ATP6V1A: variants seen among roughly 807,000 people sequenced by gnomAD.
ATP6V1A encodes the protein ATPase H+ transporting V1 subunit A, also known as V-type proton ATPase catalytic subunit A.
In ATP6V1A, 18 loss-of-function variants were observed where a neutral mutation model predicts 70.1. The observed-to-expected ratio is 0.26, with a 90% confidence interval of 0.18 to 0.38. The LOEUF (loss-of-function observed/expected upper bound fraction) is 0.38. ATP6V1A is among the 10% of genes least tolerant of loss of function. The probability of loss-of-function intolerance (pLI) is 1.00; values close to 1 mark genes in which losing one functional copy is unlikely to be tolerated. For missense variants in ATP6V1A, 424 were observed against 772.4 expected (o/e 0.55, Z 5.35); for synonymous variants, 232 against 253.8 (o/e 0.91, Z 0.82).
intron 5 of ATP6V1A, among the ~76,000 whole-genome samples, chr3:113,785,865 T>TTTC (rs1709033872): frequency 8.2e-6 from 1 of 121,916 alleles, no homozygotes; most frequent in South Asian, 2.7e-4. Flanking sequence ...TCTTTCTTTC[T>TTTC]TTTTTTTTTT....
chr3:113,789,719 A>G lies in ATP6V1A; in HGVS notation c.880-13A>G, dbSNP rs763313698. 14 of 1,570,934 alleles carry G rather than the reference A, an allele frequency of 8.9e-6. No homozygotes were observed. The highest frequency in any genetic ancestry group is 7.9e-6 in the Non-Finnish European group (9 of 1,141,876). On this transcript the variant is annotated splice_polypyrimidine_tract_variant and intron_variant, in intron 7 of 14. Coordinates refer to ENST00000273398, the MANE Select transcript of ATP6V1A (RefSeq NM_001690.4). Reference sequence around the variant, plus strand: ...AGAAATTGGAGATTCACTAATATATATTTTACCTCTAGCTCACAATGGAGG... The same window carrying G: ...AGAAATTGGAGATTCACTAATATATGTTTTACCTCTAGCTCACAATGGAGG...
chr3:113,782,608 A>G (rs1377372443), intron 3 of ATP6V1A, among the ~76,000 whole-genome samples: 1 of 146,316 alleles, frequency 6.8e-6, no homozygotes, highest in Non-Finnish European at 1.5e-5. Flanking sequence ...ATATACATAT[A>G]TATATGGTTT....
intron 8 of ATP6V1A, among the ~76,000 whole-genome samples, chr3:113,791,355 G>T: frequency 6.8e-6 from 1 of 145,988 alleles, no homozygotes; most frequent in African/African-American, 2.5e-5. Flanking sequence ...TACTCCATAT[G>T]CCTTGAGATT....
intron 1 of ATP6V1A, among the ~76,000 whole-genome samples, chr3:113,755,686 T>TA (rs1316226176): frequency 6.6e-6 from 1 of 152,208 alleles, no homozygotes; most frequent in Non-Finnish European, 1.5e-5. Flanking sequence ...GCTCAGTTGT[T>TA]TTAACATTCA....
intron 12 of ATP6V1A, among the ~76,000 whole-genome samples, chr3:113,800,231 C>CAA (rs74642409): frequency 0.013 from 1,086 of 82,700 alleles, 12 homozygotes; most frequent in African/African-American, 0.041. Context: ...GACTCCATCT[C>CAA]AAAAAAAAAA....
At chr3:113,761,092 C>A (rs1391185958) in intron 1 of ATP6V1A, among the ~76,000 whole-genome samples, 2 of 147,932 alleles carry the variant, frequency 1.4e-5, no homozygotes, top group African/African-American at 2.5e-5. Context: ...GACATATTTT[C>A]TTTTCTTTTC....
intron 2 of ATP6V1A, 140 bp from the exon 3 acceptor site, chr3:113,780,910 G>GT: frequency 1.4e-5 from 19 of 1,322,426 alleles, no homozygotes; most frequent in Non-Finnish European, 1.9e-5. Context: ...CTACCAGTAT[G>GT]TTCCATAGTA....
intron 1 of ATP6V1A, among the ~76,000 whole-genome samples, chr3:113,762,532 C>CA (rs1209061579): frequency 6.6e-6 from 1 of 151,796 alleles, no homozygotes; most frequent in African/African-American, 2.4e-5. Flanking sequence ...TGCGCCATTG[C>CA]AGTCGATCCT....
intron 8 of ATP6V1A, among the ~76,000 whole-genome samples, chr3:113,791,671 C>G (rs1376982458): frequency 6.6e-6 from 1 of 152,118 alleles, no homozygotes; most frequent in Non-Finnish European, 1.5e-5. Context: ...TTGCCTGATA[C>G]CAGAAATCAG....
At chr3:113,807,260 A>G (rs1330091608) in intron 14 of ATP6V1A, among the ~76,000 whole-genome samples, 1 of 149,948 alleles carries the variant, frequency 6.7e-6, no homozygotes, top group African/African-American at 2.5e-5. Context: ...GCCCACTGCA[A>G]CCTCCCCCTC....
chr3:113,805,313 A>G lies in ATP6V1A; in HGVS notation c.1590-41A>G, dbSNP rs1709262965. On this transcript the variant is annotated intron_variant, in intron 13 of 14. Coordinates refer to ENST00000273398, the MANE Select transcript of ATP6V1A (RefSeq NM_001690.4). ...TATATAAAGTATGAACCTGTTTTGG[A>G]GTTTATTTTTGTTAATTTTTTGGAC... The G allele has an allele frequency of 3.2e-6, 5 of 1,578,308 alleles. No individual in the cohort carries two copies. The African/African-American group carries it at 6.8e-5, about 21-fold the overall frequency.
chr3:113,800,787 A>G (rs183204305), intron 12 of ATP6V1A, among the ~76,000 whole-genome samples: 82 of 152,336 alleles, frequency 5.4e-4, no homozygotes, highest in African/African-American at 1.7e-3. Flanking sequence ...GTAAGCATTT[A>G]TGTTTAGCAA....
At chr3:113,760,943 T>TG (rs1223501161) in intron 1 of ATP6V1A, among the ~76,000 whole-genome samples, 1 of 151,822 alleles carries the variant, frequency 6.6e-6, no homozygotes, top group African/African-American at 2.4e-5. Context: ...GGCACACACC[T>TG]GCGGTCTCAG....
At chr3:113,788,982 C>A in intron 7 of ATP6V1A, 107 bp downstream of exon 7, 2 of 984,082 alleles carry the variant, frequency 2.0e-6, no homozygotes, top group South Asian at 1.5e-5. Flanking sequence ...TGTCATTCGT[C>A]AAGGATCTTT....
chr3:113,797,302 G>A (rs1709163502), intron 11 of ATP6V1A, among the ~76,000 whole-genome samples: 1 of 151,016 alleles, frequency 6.6e-6, no homozygotes, highest in South Asian at 2.1e-4. Flanking sequence ...ATGCAGGCTG[G>A]AGTGCAGTGG....
chr3:113,763,926 T>C (rs1393184358), intron 1 of ATP6V1A, among the ~76,000 whole-genome samples: 1 of 152,190 alleles, frequency 6.6e-6, no homozygotes, highest in East Asian at 1.9e-4. Flanking sequence ...ACCTTGACTT[T>C]ACCTAGTCAG....
At chr3:113,787,016 G>C (rs1435037912) in intron 6 of ATP6V1A, among the ~76,000 whole-genome samples, 1 of 152,202 alleles carries the variant, frequency 6.6e-6, no homozygotes, top group Non-Finnish European at 1.5e-5. Context: ...CTGAGCTCAA[G>C]TGATCCACCT....
intron 1 of ATP6V1A, among the ~76,000 whole-genome samples, chr3:113,762,215 T>A (rs1708712376): frequency 6.9e-6 from 1 of 144,538 alleles, no homozygotes; most frequent in African/African-American, 2.6e-5. Context: ...ATACAGTTTC[T>A]AGTTTGACTT....
intron 2 of ATP6V1A, chr3:113,780,785 T>TAA (rs1331114641): frequency 2.3e-6 from 3 of 1,321,456 alleles, no homozygotes; most frequent in South Asian, 2.5e-5. Flanking sequence ...TCCTACCAGG[T>TAA]AAGTTTGCCA....
Sources: gnomAD v4.1 joint callset for allele counts (sites outside exome capture counted in the v4.1 genomes callset) on GRCh38, gnomAD v4.1.1 for gene constraint, MANE v1.5 for transcripts, NCBI Gene and HGNC (gene_info 2026-07-23, HGNC 2026-07-21) for gene names.